Variants in HERC5 observed in about 807,000 individuals in gnomAD.
HERC5 encodes the protein E3 ISG15--protein ligase HERC5.
In HERC5, 99 loss-of-function variants were observed where a neutral mutation model predicts 119.6. That is an observed-to-expected ratio of 0.83 (90% CI 0.70 to 0.98). The LOEUF is 0.98. Among genes scored for constraint, HERC5 ranks in the 50% least tolerant of loss-of-function variants. The pLI, the probability that HERC5 is intolerant of heterozygous loss-of-function variation, is 0.00. For synonymous variants in HERC5, 478 were observed against 445.9 expected, an observed-to-expected ratio of 1.07 and a Z score of -0.91; for missense variants, 1,267 against 1,241.3, an observed-to-expected ratio of 1.02 and a Z score of -0.31.
At chr4:88,466,508 A>T (rs903569688) in intron 6 of HERC5, among the ~76,000 whole-genome samples, 9 of 152,138 alleles carry the variant, frequency 5.9e-5, no homozygotes, top group Non-Finnish European at 1.2e-4. Context: ...CTCTCCCAGG[A>T]TCCTGCCATG....
intron 9 of HERC5, among the ~76,000 whole-genome samples, chr4:88,470,223 C>T (rs570298145): frequency 2.0e-5 from 3 of 152,190 alleles, no homozygotes; most frequent in Non-Finnish European, 4.4e-5. Flanking sequence ...ACTGAGCATA[C>T]TCCTTCCCCC....
At position 88,493,113 on chromosome 4, in the gene HERC5, C is replaced by T; in HGVS notation, c.2235C>T (p.Phe745=). 1 of 1,614,064 alleles carries T rather than the reference C, an allele frequency of 6.2e-7. No homozygotes were observed. The highest frequency in any genetic ancestry group is 1.1e-5 in the South Asian group (1 of 91,076). Residue 745 remains phenylalanine, a synonymous_variant, in exon 17 of 23, where the codon TTC becomes TTT. Coordinates refer to ENST00000264350, the MANE Select transcript of HERC5 (RefSeq NM_016323.4). ...TGATCCAGCCGGAATATGGGATGTTCATGTATCCTGAAGGGGCTTCCTGCA... is the reference window on the plus strand; with the variant it reads ...TGATCCAGCCGGAATATGGGATGTTTATGTATCCTGAAGGGGCTTCCTGCA... The part of the protein sequence containing the change: ...AEMIQPEYGM[F]MYPEGASCMW...
rs545416982 is a variant in HERC5 at position 88,489,613 on chromosome 4, C to T, written c.2133+277C>T. On this transcript the variant is annotated intron_variant, in intron 16 of 22. Coordinates refer to ENST00000264350, the MANE Select transcript of HERC5 (RefSeq NM_016323.4). ...GTGTTGGCCCTAAGAGGTCCAGTCC[C>T]TTCTGAGGTCTGGCCTAGCCTGGCT... Among the ~76,000 whole-genome samples, 7 of 152,300 alleles carry T rather than the reference C, an allele frequency of 4.6e-5. No individual in the cohort carries two copies. In the East Asian group the frequency reaches 1.2e-3, roughly 25 times the overall value.
At position 88,457,166 on chromosome 4, in the gene HERC5, GGTT is replaced by G; in HGVS notation, c.-103_-101del. 2.4e-6 allele frequency: 3 copies of G among 1,235,194 alleles called. No homozygotes were observed. The highest frequency in any genetic ancestry group is 3.0e-6 in the Non-Finnish European group (3 of 988,974). 76.5% of individuals were successfully genotyped at this position (1,235,194 alleles called of 1,614,324 possible). On this transcript the variant is annotated 5_prime_UTR_variant, in exon 1 of 23. Coordinates refer to ENST00000264350, the MANE Select transcript of HERC5 (RefSeq NM_016323.4). Reference sequence around the variant, plus strand: ...CGACGCCACGCAGCTGCGCGCAGCTGGTTCCCGCTCTGCAGCGCAACGCCTGAG... The same window carrying G: ...CGACGCCACGCAGCTGCGCGCAGCTGCCCGCTCTGCAGCGCAACGCCTGAG...
Position 88,493,167 on chromosome 4 carries a change from C to G in HERC5, c.2277+12C>G, listed in dbSNP as rs774633208. ...GGTTTCCTGTCAAGGTAAGTTCCCT[C>G]TTCTTTGCTTAAGGTATTTTGCGAC... is the stretch of plus-strand genomic sequence containing the variant. On this transcript the variant is annotated intron_variant, in intron 17 of 22. Transcript: ENST00000264350. 1 of 1,589,644 alleles carries G rather than the reference C, an allele frequency of 6.3e-7. No homozygotes were observed. The highest frequency in any genetic ancestry group is 8.6e-7 in the Non-Finnish European group (1 of 1,158,980).
chr4:88,467,812 T>A, intron 7 of HERC5: 5 of 807,842 alleles, frequency 6.2e-6, no homozygotes, highest in Non-Finnish European at 7.5e-6. Context: ...TCTGAAACAC[T>A]CCATTGTAGA....
At chr4:88,478,417 A>C (rs535861516) in intron 12 of HERC5, among the ~76,000 whole-genome samples, 50 of 152,124 alleles carry the variant, frequency 3.3e-4, no homozygotes, top group Non-Finnish European at 5.6e-4. Context: ...AGATAATAAA[A>C]TAGTGGTTAC....
intron 18 of HERC5, among the ~76,000 whole-genome samples, chr4:88,499,374 AAAT>A (rs1741886269): frequency 6.6e-6 from 1 of 152,256 alleles, no homozygotes; most frequent in Admixed American, 6.5e-5. Context: ...GATAGGATGG[AAAT>A]AATTTAAAAA....
chr4:88,457,635 GC>G (rs1441004307), intron 1 of HERC5, 101 bp downstream of exon 1: 5 of 1,151,666 alleles, frequency 4.3e-6, no homozygotes, highest in Non-Finnish European at 5.5e-6. Context: ...AGGGAGGAGA[GC>G]CCAGAAGGCC....
rs1182760422 is a variant in HERC5, at chr4:88,470,611, T to C, written c.1239-3T>C. ...TTTAACCAGTGTCTTATTACTAATA[T>C]AGGGAAATCCAAGAGATATTTTCAT... On this transcript the variant is annotated splice_region_variant and splice_polypyrimidine_tract_variant and intron_variant, in intron 9 of 22. Transcript: ENST00000264350. 3.3e-6 allele frequency: 5 copies of C among 1,495,172 alleles called. No homozygotes were observed. Among genetic ancestry groups the C allele is most frequent in the Non-Finnish European group, 4.6e-6 (5 of 1,078,462 alleles). The allele number at this position is 1,495,172 out of a possible 1,614,324, so 92.6% of individuals were successfully genotyped here. A position where few individuals can be genotyped will look rare whatever the true frequency, so the allele number is the denominator to read the frequency against.
chr4:88,488,332 A>G (rs1741533431), intron 15 of HERC5, among the ~76,000 whole-genome samples: 1 of 151,418 alleles, frequency 6.6e-6, no homozygotes, highest in African/African-American at 2.4e-5. Flanking sequence ...CCTGGGTTCA[A>G]GCGATTCTCC....
At chr4:88,475,794 T>A in intron 11 of HERC5, 47 bp from the exon 12 acceptor site, 1 of 1,514,252 alleles carries the variant, frequency 6.6e-7, no homozygotes, top group South Asian at 1.1e-5. Context: ...TGCACCCTGC[T>A]TCTACTGAGT....
chr4:88,457,161 C>T lies in HERC5; in HGVS notation c.-109C>T. The T allele has an allele frequency of 8.1e-7, 1 of 1,234,358 alleles. No homozygotes were observed. The allele number at this position is 1,234,358 out of a possible 1,614,324, so 76.5% of individuals were successfully genotyped here. ...TTCCCCGACGCCACGCAGCTGCGCG[C>T]AGCTGGTTCCCGCTCTGCAGCGCAA... On this transcript the variant is annotated 5_prime_UTR_variant, in exon 1 of 23. Coordinates refer to ENST00000264350, the MANE Select transcript of HERC5 (RefSeq NM_016323.4).
intron 13 of HERC5, among the ~76,000 whole-genome samples, chr4:88,483,151 A>T (rs939630864): frequency 1.3e-5 from 2 of 152,100 alleles, no homozygotes; most frequent in African/African-American, 4.8e-5. Flanking sequence ...ATTTTTTTTC[A>T]TGGACTATTC....
chr4:88,459,440 A>C lies in HERC5; in HGVS notation c.359A>C (p.Glu120Ala). Residue 120 changes from glutamate to alanine, a missense_variant, in exon 2 of 23, where the codon GAG becomes GCG. Glu to Ala is a moderately radical substitution (Grantham distance 107). Transcript: ENST00000264350. ...CTCTCATCAGATGGAAAACCATTTG[A>C]GTATGACAACTATAGCATGAAACAT... ...LILSSDGKPF[E>A]YDNYSMKHLR... The C allele has an allele frequency of 6.3e-7, 1 of 1,587,318 alleles. No individual in the cohort carries two copies. Among genetic ancestry groups the C allele is most frequent in the Non-Finnish European group, 8.6e-7 (1 of 1,167,744 alleles).
At chr4:88,478,810 C>T (rs1429184085) in intron 12 of HERC5, among the ~76,000 whole-genome samples, 1 of 152,024 alleles carries the variant, frequency 6.6e-6, no homozygotes, top group East Asian at 1.9e-4. Context: ...CCGAGTTTCT[C>T]TATGTTGCCC....
At chr4:88,469,398 G>A (rs1038884800) in intron 9 of HERC5, 138 bp downstream of exon 9, 2 of 678,722 alleles carry the variant, frequency 2.9e-6, no homozygotes, top group East Asian at 2.7e-5. Context: ...GTGTATTTCT[G>A]TCTCTATCTT....
chr4:88,467,129 C>T lies in HERC5; in HGVS notation c.982C>T (p.Leu328=), dbSNP rs1740697824. 1.9e-6 allele frequency: 3 copies of T among 1,614,040 alleles called. No individual in the cohort carries two copies. Among genetic ancestry groups the T allele is most frequent in the African/African-American group, 1.3e-5 (1 of 74,910 alleles). Reference sequence around the variant, plus strand: ...CTTTGGTTCTGGAAAAGATGGACAACTGGGAAATGGTGGAACACGTGACCA... The same window carrying T: ...CTTTGGTTCTGGAAAAGATGGACAATTGGGAAATGGTGGAACACGTGACCA... ...FSFGSGKDGQ[L]GNGGTRDQLM... Residue 328 remains leucine, a synonymous_variant, in exon 7 of 23, where the codon CTG becomes TTG. Coordinates refer to ENST00000264350, the MANE Select transcript of HERC5 (RefSeq NM_016323.4).
At position 88,457,190 on chromosome 4, in the gene HERC5, C is replaced by A; in HGVS notation, c.-80C>A. 1.6e-6 allele frequency: 2 copies of A among 1,242,126 alleles called. No homozygotes were observed. Among genetic ancestry groups the A allele is most frequent in the Non-Finnish European group, 2.0e-6 (2 of 992,004 alleles). 76.9% of individuals were successfully genotyped at this position (1,242,126 alleles called of 1,614,324 possible). A position where few individuals can be genotyped will look rare whatever the true frequency, so the allele number is the denominator to read the frequency against. On this transcript the variant is annotated 5_prime_UTR_variant, in exon 1 of 23. In the 5' UTR this introduces an upstream ATG that the reference lacks. Coordinates refer to ENST00000264350, the MANE Select transcript of HERC5 (RefSeq NM_016323.4). ...TGGTTCCCGCTCTGCAGCGCAACGC[C>A]TGAGGCAGTGGGCGCGCTCAGTCCC...
Sources: allele counts gnomAD v4.1 joint callset (sites outside exome capture counted in the v4.1 genomes callset), GRCh38; gene constraint gnomAD v4.1.1; transcripts MANE v1.5; gene names NCBI Gene and HGNC (gene_info 2026-07-23, HGNC 2026-07-21).